The following ZNF141 variants were observed in gnomAD, a reference collection of about 807,000 sequenced individuals.
The protein encoded by ZNF141 is zinc finger protein 141 (clone pHZ-44).
ZNF141 carries 7 observed loss-of-function variants against 11.3 expected under a neutral mutation model. The observed-to-expected ratio is 0.62, with a 90% CI of 0.35 to 1.16. The LOEUF (loss-of-function observed/expected upper bound fraction) is 1.16, where lower values mean the gene tolerates loss of function less well. Among genes scored for constraint, ZNF141 ranks in the 50% most tolerant of loss-of-function variants. ZNF141 has a pLI of 0.02. For missense variants in ZNF141, 535 were observed against 554.0 expected (o/e 0.97, Z 0.34); for synonymous variants, 183 against 190.7 (o/e 0.96, Z 0.33).
chr4:356,636 A>G (rs1553851251), intron 3 of ZNF141, among the ~76,000 whole-genome samples: 1 of 152,150 alleles, frequency 6.6e-6, no homozygotes, highest in Non-Finnish European at 1.5e-5. Flanking sequence ...TTTTATCACA[A>G]TGGCAGTTAA....
At chr4:363,140 A>G (rs111492105) in intron 3 of ZNF141, among the ~76,000 whole-genome samples, 22,113 of 152,098 alleles carry the variant, frequency 0.15, 2,218 homozygotes, top group African/African-American at 0.28. Flanking sequence ...CTTTGAAGCA[A>G]TTGTGAATAG....
At chr4:346,254 GTTT>G (rs1295981373) in intron 3 of ZNF141, among the ~76,000 whole-genome samples, 8 of 152,302 alleles carry the variant, frequency 5.3e-5, no homozygotes, top group African/African-American at 1.7e-4. Context: ...TAACAATGCA[GTTT>G]TTAAGAACCT....
rs1441071565 is a variant in ZNF141, at chr4:382,276, A to G, written c.*8414A>G. Among the ~76,000 whole-genome samples, 4 of 152,094 alleles carry G rather than the reference A, an allele frequency of 2.6e-5. No homozygotes were observed. Among genetic ancestry groups the G allele is most frequent in the Non-Finnish European group, 5.9e-5 (4 of 68,032 alleles). On this transcript the variant is annotated 3_prime_UTR_variant, in exon 4 of 4. Coordinates refer to ENST00000240499, the MANE Select transcript of ZNF141 (RefSeq NM_003441.4). ...TGTGTGTGATTTCTATGTGTGCTCTAGGCACTTGCCCTATAGCTGCTCCTA... is the reference window on the plus strand; with the variant it reads ...TGTGTGTGATTTCTATGTGTGCTCTGGGCACTTGCCCTATAGCTGCTCCTA...
chr4:360,158 T>A (rs538037444), intron 3 of ZNF141, among the ~76,000 whole-genome samples: 79 of 152,332 alleles, frequency 5.2e-4, no homozygotes, highest in Non-Finnish European at 9.7e-4. Context: ...ATTCCAAAGT[T>A]GCCGTAAAGG....
rs1410838070 is a variant in ZNF141 at position 380,098 on chromosome 4, C to A, written c.*6236C>A. 6.6e-6 allele frequency among the ~76,000 whole-genome samples: 1 copy of A among 152,240 alleles called. No homozygotes were observed. On this transcript the variant is annotated 3_prime_UTR_variant, in exon 4 of 4. Transcript: ENST00000240499. ...CATCTGGTAACCAGCATTCTACTCT[C>A]TGGCTTATTTCACTTAGCATAGTGT...
At position 381,745 on chromosome 4, in the gene ZNF141, C is replaced by T. The variant is rs1226391302; in HGVS notation, c.*7883C>T. Among the ~76,000 whole-genome samples, 1 of 151,834 alleles carries T rather than the reference C, an allele frequency of 6.6e-6. No homozygotes were observed. Among genetic ancestry groups the T allele is most frequent in the East Asian group, 1.9e-4 (1 of 5,140 alleles). On this transcript the variant is annotated 3_prime_UTR_variant, in exon 4 of 4. Coordinates refer to ENST00000240499, the MANE Select transcript of ZNF141 (RefSeq NM_003441.4). ...TAGTACTCCACATTTATGCAGCCAT[C>T]TGGGAAGAAAGGAGACTTTTTACAA...
intron 3 of ZNF141, among the ~76,000 whole-genome samples, chr4:360,583 C>A (rs1722062380): frequency 6.6e-6 from 1 of 152,118 alleles, no homozygotes; most frequent in Non-Finnish European, 1.5e-5. Context: ...AGTCTCTTTT[C>A]ATGTAGGTTC....
chr4:369,822 A>G (rs1553853353), intron 3 of ZNF141, among the ~76,000 whole-genome samples: 1 of 134,406 alleles, frequency 7.4e-6, no homozygotes, highest in African/African-American at 2.9e-5. Context: ...GCTGAAGTGC[A>G]ATGGCATGAT....
chr4:344,108 A>C (rs575422153), intron 2 of ZNF141, among the ~76,000 whole-genome samples, 200 bp downstream of exon 2: 1 of 152,306 alleles, frequency 6.6e-6, no homozygotes, highest in East Asian at 1.9e-4. Flanking sequence ...ACATCTTAAA[A>C]TCCAATTTGC....
chr4:345,021 G>C (rs546748196), intron 3 of ZNF141, among the ~76,000 whole-genome samples: 3 of 152,284 alleles, frequency 2.0e-5, no homozygotes, highest in African/African-American at 7.2e-5. Context: ...TGATGTGACT[G>C]CTGTTCCATT....
rs2108663410 is a variant in ZNF141 at position 381,851 on chromosome 4, G to A, written c.*7989G>A. 6.6e-6 allele frequency among the ~76,000 whole-genome samples: 1 copy of A among 151,660 alleles called. No individual in the cohort carries two copies. The highest frequency in any genetic ancestry group is 2.1e-4 in the South Asian group (1 of 4,802). On this transcript the variant is annotated 3_prime_UTR_variant, in exon 4 of 4. Transcript: ENST00000240499. ...CCACCTACCACAGAAAGTAGCTGTA[G>A]TTCATTGCTGGGGCCACCAGAAGGG...
At chr4:364,004 T>C (rs76047999) in intron 3 of ZNF141, among the ~76,000 whole-genome samples, 1 of 152,138 alleles carries the variant, frequency 6.6e-6, no homozygotes, top group Non-Finnish European at 1.5e-5. Context: ...TATTGATTTG[T>C]GTATGTTGAA....
chr4:349,998 T>A (rs537159074), intron 3 of ZNF141, among the ~76,000 whole-genome samples: 1 of 120,392 alleles, frequency 8.3e-6, no homozygotes, highest in African/African-American at 3.7e-5. Flanking sequence ...TAGAACTGAG[T>A]CACAGGGCTC....
At chr4:342,833 G>A in intron 1 of ZNF141, 2 of 1,607,928 alleles carry the variant, frequency 1.2e-6, no homozygotes, top group Non-Finnish European at 8.5e-7. Flanking sequence ...GGTCCCCGAG[G>A]CATTTTGAAA....
At chr4:339,534 T>A (rs1720952828) in intron 1 of ZNF141, among the ~76,000 whole-genome samples, 1 of 152,260 alleles carries the variant, frequency 6.6e-6, no homozygotes, top group Admixed American at 6.5e-5. Context: ...CCTTTAGACC[T>A]GCCTGTTGTA....
rs144280344 is a variant in ZNF141, at chr4:346,699, C to T, written c.226+2269C>T. On this transcript the variant is annotated intron_variant, in intron 3 of 3. Coordinates refer to ENST00000240499, the MANE Select transcript of ZNF141 (RefSeq NM_003441.4). ...GAGTTTACGCTTTTAGATTTCCTAT[C>T]TAACTGAGAAAATTTAGTTTCTTTG... Among the ~76,000 whole-genome samples the T allele has an allele frequency of 4.4e-3, 673 of 152,234 alleles. 2 individuals are homozygous for T. The highest frequency in any genetic ancestry group is 0.014 in the Middle Eastern group (4 of 294).
intron 3 of ZNF141, among the ~76,000 whole-genome samples, chr4:349,311 A>G (rs1237961403): frequency 6.6e-6 from 1 of 151,980 alleles, no homozygotes; most frequent in African/African-American, 2.4e-5. Context: ...TTGATTATGT[A>G]TCCTGATACT....
At position 374,341 on chromosome 4, in the gene ZNF141, G is replaced by A. The variant is rs190775557; in HGVS notation, c.*479G>A. 7.0e-5 allele frequency: 23 copies of A among 328,418 alleles called. No homozygotes were observed. In the East Asian group the frequency reaches 1.1e-3, roughly 16 times the overall value. The allele number at this position is 328,418 out of a possible 1,614,324, so 20.3% of individuals were successfully genotyped here. A position where few individuals can be genotyped will look rare whatever the true frequency, so the allele number is the denominator to read the frequency against. On this transcript the variant is annotated 3_prime_UTR_variant, in exon 4 of 4. Coordinates refer to ENST00000240499, the MANE Select transcript of ZNF141 (RefSeq NM_003441.4). ...AAATGGTCCTCAACCCTTAATGAAC[G>A]TAAGTGAATTCATGCTGGAGCAAAA...
intron 3 of ZNF141, among the ~76,000 whole-genome samples, chr4:367,033 G>A (rs1457865145): frequency 6.6e-6 from 1 of 152,140 alleles, no homozygotes; most frequent in Non-Finnish European, 1.5e-5. Flanking sequence ...GAAACTCAAC[G>A]AATTAGGTAT....
Sources: allele counts gnomAD v4.1 joint callset (sites outside exome capture counted in the v4.1 genomes callset), GRCh38; gene constraint gnomAD v4.1.1; transcripts MANE v1.5; gene names NCBI Gene and HGNC (gene_info 2026-07-23, HGNC 2026-07-21).